Variants in ESRRG observed in about 807,000 individuals in gnomAD.
ESRRG encodes estrogen related receptor gamma.
In ESRRG, 13 loss-of-function variants were observed where a neutral mutation model predicts 44.0. The observed-to-expected ratio is 0.30, with a 90% confidence interval of 0.19 to 0.47. The LOEUF is 0.47. ESRRG is among the 20% of genes least tolerant of loss of function. The pLI is 1.00. For missense variants in ESRRG, 395 were observed against 580.6 expected (o/e 0.68, Z 3.29); for synonymous variants, 215 against 214.6 (o/e 1.00, Z -0.02).
In ESRRG at chr1:216,677,234, G is replaced by T. The variant is rs758817078; in HGVS notation, c.314C>A (p.Ser105Tyr). ...GPVRKLYDDC[S>Y]STIVEDPQTK... ...CTGGGGATCTTCAACAATGGTGCTG[G>T]AGCAGTCATCATACAGTTTCCTGAC... Residue 105 changes from serine to tyrosine, a missense_variant, in exon 2 of 7, where the codon TCC becomes TAC. Physicochemically the swap from Ser to Tyr is moderately radical, Grantham distance 144. Around this residue, in one of 5 missense-constraint regions of ESRRG, gnomAD observed 148 missense variants for 150.4 expected, o/e 0.98. Transcript: ENST00000408911. The T allele has an allele frequency of 3.0e-5, 48 of 1,614,032 alleles. No individual in the cohort carries two copies.
At chr1:217,032,918 T>C (rs1370349254) in intron 1 of ESRRG, among the ~76,000 whole-genome samples, 1 of 152,184 alleles carries the variant, frequency 6.6e-6, no homozygotes, top group Non-Finnish European at 1.5e-5. Flanking sequence ...CATGTAAAAG[T>C]AAAACCTCTT....
intron 1 of ESRRG, among the ~76,000 whole-genome samples, chr1:217,133,657 T>TTCTCTCTCTCTC (rs1264867048): frequency 1.0e-4 from 6 of 59,130 alleles, no homozygotes; most frequent in South Asian, 6.9e-4. Flanking sequence ...CTTTCTTTCT[T>TTCTCTCTCTCTC]TCTTTCTTTC....
intron 1 of ESRRG, among the ~76,000 whole-genome samples, chr1:217,015,731 A>AATTTT (rs759911532): frequency 1.2e-4 from 17 of 142,116 alleles, no homozygotes; most frequent in Non-Finnish European, 1.5e-4. Flanking sequence ...GGGCAGCTAG[A>AATTTT]TTTTTTTTTT....
chr1:216,653,939 C>T (rs551079224), intron 2 of ESRRG, among the ~76,000 whole-genome samples: 1 of 145,892 alleles, frequency 6.9e-6, no homozygotes, highest in African/African-American at 2.5e-5. Context: ...CATGGCAAAA[C>T]CCCATCTCTA....
At chr1:217,031,012 T>C (rs2081986025) in intron 1 of ESRRG, among the ~76,000 whole-genome samples, 1 of 152,230 alleles carries the variant, frequency 6.6e-6, no homozygotes, top group Admixed American at 6.5e-5. Flanking sequence ...GTGGCTCACA[T>C]TGTATTTCTG....
intron 1 of ESRRG, 58 bp downstream of exon 1, chr1:216,723,186 C>CG: frequency 7.2e-7 from 1 of 1,396,320 alleles, no homozygotes; most frequent in Non-Finnish European, 1.0e-6. Flanking sequence ...ATAGTCTGTC[C>CG]GCCCCCACCC....
intron 6 of ESRRG, among the ~76,000 whole-genome samples, chr1:216,507,859 C>T (rs1256603358): frequency 6.6e-6 from 1 of 152,052 alleles, no homozygotes; most frequent in Non-Finnish European, 1.5e-5. Context: ...GTGAACTTTG[C>T]CCTTAAATGA....
In ESRRG at chr1:217,112,207, A is replaced by T. The variant is rs540487947; in HGVS notation, c.-230+25460T>A. ...CACAAAACCACACAAGCAAAATAAA[A>T]TGTTTGAGCCACAAAGTTTTGGGGT... is the stretch of plus-strand genomic sequence containing the variant. On this transcript the variant is annotated intron_variant, in intron 1 of 8. Transcript: ENST00000366940. 5.9e-5 allele frequency among the ~76,000 whole-genome samples: 9 copies of T among 152,276 alleles called. No individual in the cohort carries two copies. The South Asian group carries it at 1.9e-3, about 32-fold the overall frequency.
chr1:216,842,535 C>G (rs1024280396), intron 2 of ESRRG, among the ~76,000 whole-genome samples: 1 of 152,160 alleles, frequency 6.6e-6, no homozygotes, highest in African/African-American at 2.4e-5. Context: ...CTGTCACAAA[C>G]TCCACTTCTC....
At chr1:216,561,228 C>T (rs892707776) in intron 5 of ESRRG, among the ~76,000 whole-genome samples, 11 of 151,950 alleles carry the variant, frequency 7.2e-5, no homozygotes, top group African/African-American at 2.4e-4. Context: ...AAAGTACATT[C>T]GAAGCAGCAC....
chr1:216,789,884 C>T (rs80293866), intron 2 of ESRRG, among the ~76,000 whole-genome samples: 1 of 152,286 alleles, frequency 6.6e-6, no homozygotes, highest in African/African-American at 2.4e-5. Flanking sequence ...CCATCAAAAT[C>T]TGTTCCACCC....
At chr1:216,577,681 A>G (rs901000266) in intron 3 of ESRRG, among the ~76,000 whole-genome samples, 4 of 152,114 alleles carry the variant, frequency 2.6e-5, no homozygotes, top group African/African-American at 9.7e-5. Flanking sequence ...GAGAGCCCAC[A>G]GTCACTTTGG....
intron 1 of ESRRG, among the ~76,000 whole-genome samples, chr1:216,681,131 G>A (rs2076965779): frequency 6.6e-6 from 1 of 152,100 alleles, no homozygotes; most frequent in Non-Finnish European, 1.5e-5. Context: ...GCCTTAGTAT[G>A]GTTACTATTA....
chr1:216,638,866 C>G (rs773230704), intron 3 of ESRRG, among the ~76,000 whole-genome samples: 10 of 152,128 alleles, frequency 6.6e-5, no homozygotes, highest in Non-Finnish European at 1.5e-4. Flanking sequence ...ATAACCTCAC[C>G]CCAACTCTAG....
At chr1:217,028,358 A>C (rs373030562) in intron 1 of ESRRG, among the ~76,000 whole-genome samples, 1 of 152,190 alleles carries the variant, frequency 6.6e-6, no homozygotes, top group African/African-American at 2.4e-5. Flanking sequence ...GAGAACCCAC[A>C]TTGGAGACAG....
intron 1 of ESRRG, among the ~76,000 whole-genome samples, chr1:217,045,184 T>G (rs1420395634): frequency 6.6e-6 from 1 of 152,226 alleles, no homozygotes; most frequent in East Asian, 1.9e-4. Context: ...AAGGCACTCT[T>G]TGTGCATGTA....
At chr1:216,574,693 A>T (rs1014941777) in intron 3 of ESRRG, among the ~76,000 whole-genome samples, 8 of 152,164 alleles carry the variant, frequency 5.3e-5, no homozygotes, top group African/African-American at 1.9e-4. Flanking sequence ...AGACGCAAAT[A>T]TTCACATTAA....
chr1:216,548,602 A>G (rs531557531), intron 5 of ESRRG, among the ~76,000 whole-genome samples: 2 of 152,186 alleles, frequency 1.3e-5, no homozygotes, highest in African/African-American at 4.8e-5. Flanking sequence ...GGATTACTCT[A>G]CATTGTGCAA....
chr1:216,560,138 A>G (rs1272381358), intron 5 of ESRRG, among the ~76,000 whole-genome samples: 1 of 152,172 alleles, frequency 6.6e-6, no homozygotes, highest in Admixed American at 6.5e-5. Flanking sequence ...AAGACTATTT[A>G]TTACATCATC....
Sources: allele counts gnomAD v4.1 joint callset (sites outside exome capture counted in the v4.1 genomes callset), GRCh38; gene constraint gnomAD v4.1.1; regional missense constraint gnomAD v4.1.1; transcripts MANE v1.5; gene names NCBI Gene and HGNC (gene_info 2026-07-23, HGNC 2026-07-21).